The following MCTP2 variants were observed in gnomAD, a reference collection of about 807,000 sequenced individuals.
The protein encoded by MCTP2 is multiple C2 and transmembrane domain containing 2, also known as multiple C2 and transmembrane domain-containing protein 2.
In MCTP2, 132 loss-of-function variants were observed where a neutral mutation model predicts 111.6. That is an observed-to-expected ratio of 1.18 (90% CI 1.03 to 1.37). The LOEUF (loss-of-function observed/expected upper bound fraction) is 1.37, where lower values mean the gene tolerates loss of function less well. MCTP2 is among the 40% of genes most tolerant of loss of function. MCTP2 has a pLI of 0.00. For missense variants in MCTP2, 1,183 were observed against 1,067.9 expected (o/e 1.11, Z -1.50); for synonymous variants, 395 against 387.7 (o/e 1.02, Z -0.22).
At chr15:94,447,671 C>A (rs2084199089) in intron 19 of MCTP2, among the ~76,000 whole-genome samples, 1 of 152,160 alleles carries the variant, frequency 6.6e-6, no homozygotes, top group Admixed American at 6.5e-5. Flanking sequence ...GCCACCATGA[C>A]CGGCCTGTTT....
At chr15:94,385,724 T>G (rs1224837341) in intron 14 of MCTP2, among the ~76,000 whole-genome samples, 199 bp downstream of exon 14, 2 of 152,198 alleles carry the variant, frequency 1.3e-5, no homozygotes, top group Non-Finnish European at 2.9e-5. Flanking sequence ...TTTTTCTGTT[T>G]CAGTCCAATA....
intron 1 of MCTP2, among the ~76,000 whole-genome samples, chr15:94,232,749 C>T (rs970740979): frequency 6.6e-6 from 1 of 152,104 alleles, no homozygotes; most frequent in Non-Finnish European, 1.5e-5. Flanking sequence ...CCTGTGTAAT[C>T]GCTGGTTATA....
chr15:94,292,142 A>C (rs1248406655), intron 1 of MCTP2, among the ~76,000 whole-genome samples: 1 of 152,266 alleles, frequency 6.6e-6, no homozygotes, highest in African/African-American at 2.4e-5. Flanking sequence ...AATGAAAATT[A>C]AAAACCCAAA....
At position 94,478,364 on chromosome 15, in the gene MCTP2, T is replaced by C. The variant is rs141852715; in HGVS notation, c.2569-602T>C. Among the ~76,000 whole-genome samples the C allele has an allele frequency of 3.9e-3, 600 of 152,340 alleles. 3 individuals carry two copies. The highest frequency in any genetic ancestry group is 0.013 in the African/African-American group (558 of 41,588). On this transcript the variant is annotated intron_variant, in intron 22 of 22. Transcript: ENST00000357742. Reference sequence around the variant, plus strand: ...GTATGCTAGTAAGATCCTCCGTGTATCGCCAAGGGCGCTTTCTAATAACAC... The same window carrying C: ...GTATGCTAGTAAGATCCTCCGTGTACCGCCAAGGGCGCTTTCTAATAACAC...
intron 1 of MCTP2, among the ~76,000 whole-genome samples, chr15:94,243,499 A>ATGCG (rs2071287860): frequency 4.4e-5 from 6 of 136,500 alleles, no homozygotes; most frequent in African/African-American, 1.1e-4. Flanking sequence ...GTATGCGTAC[A>ATGCG]TATGTATGCG....
chr15:94,304,115 A>G (rs1478166294), intron 2 of MCTP2, among the ~76,000 whole-genome samples: 3 of 152,228 alleles, frequency 2.0e-5, no homozygotes, highest in African/African-American at 4.8e-5. Context: ...ACAAATGACA[A>G]TCACAACTAA....
chr15:94,402,069 T>G, intron 17 of MCTP2, 50 bp downstream of exon 17: 1 of 1,595,132 alleles, frequency 6.3e-7, no homozygotes. Flanking sequence ...TTTGCATCTA[T>G]TCATCTTTCT....
intron 14 of MCTP2, among the ~76,000 whole-genome samples, chr15:94,392,052 G>GT (rs2081008688): frequency 6.6e-6 from 1 of 152,144 alleles, no homozygotes; most frequent in African/African-American, 2.4e-5. Flanking sequence ...GGTTTTAGGG[G>GT]TAAAAAAAAG....
chr15:94,314,593 GCAGATAAAGC>G (rs2076297188), intron 3 of MCTP2: 3 of 554,124 alleles, frequency 5.4e-6, no homozygotes, highest in Non-Finnish European at 6.5e-6. Flanking sequence ...AGATAGTAAG[GCAGATAAAGC>G]CAGTTTGAAG....
chr15:94,397,799 A>G lies in MCTP2; in HGVS notation c.1789-1162A>G, dbSNP rs1023085003. 7.9e-5 allele frequency among the ~76,000 whole-genome samples: 12 copies of G among 152,222 alleles called. No homozygotes were observed. In the South Asian group the frequency reaches 1.2e-3, roughly 16 times the overall value. On this transcript the variant is annotated intron_variant, in intron 14 of 22. Transcript: ENST00000357742. ...CAATAGTCATTTAAAATATGGCTCA[A>G]ATTTCATGCTGTTAGATTTCCTATG... is the stretch of plus-strand genomic sequence containing the variant.
At chr15:94,257,420 C>A (rs1180088348) in intron 1 of MCTP2, among the ~76,000 whole-genome samples, 3 of 151,952 alleles carry the variant, frequency 2.0e-5, no homozygotes, top group Non-Finnish European at 4.4e-5. Flanking sequence ...CTAGATTAGA[C>A]AAAATTCAAC....
chr15:94,433,305 A>T (rs1014286514), intron 17 of MCTP2, among the ~76,000 whole-genome samples: 8 of 152,162 alleles, frequency 5.3e-5, no homozygotes, highest in African/African-American at 1.9e-4. Context: ...GTGAAGAAAT[A>T]TTTGCAGCTG....
At chr15:94,422,418 C>T (rs146203031) in intron 17 of MCTP2, among the ~76,000 whole-genome samples, 4 of 152,304 alleles carry the variant, frequency 2.6e-5, no homozygotes, top group Admixed American at 2.6e-4. Context: ...CTTCAAGCTA[C>T]ATTTTGAAAG....
intron 5 of MCTP2, 80 bp downstream of exon 5, chr15:94,339,512 C>A: frequency 1.9e-6 from 2 of 1,052,366 alleles, no homozygotes; most frequent in Non-Finnish European, 2.6e-6. Context: ...TAGACGTGAA[C>A]TTGCCAAAAT....
Position 94,298,425 on chromosome 15 carries a change from G to GA in MCTP2, c.161dup (p.Asp54GlufsTer6), listed in dbSNP as rs2075375351. On this transcript the variant is annotated frameshift_variant, in exon 2 of 23. Transcript: ENST00000357742. LOFTEE classifies it high-confidence loss of function. ...CCGCCGTCTCAGCCTCTCTGTGCCTGATCTCCTGGAGGCTGAGGCCTTGGC... is the reference window on the plus strand; with the variant it reads ...CCGCCGTCTCAGCCTCTCTGTGCCTGAATCTCCTGGAGGCTGAGGCCTTGGC... 3 of 1,614,186 alleles carry GA rather than the reference G, an allele frequency of 1.9e-6. No homozygotes were observed. The highest frequency in any genetic ancestry group is 2.5e-6 in the Non-Finnish European group (3 of 1,180,024).
At chr15:94,386,641 CCT>C (rs1491372919) in intron 14 of MCTP2, among the ~76,000 whole-genome samples, 4 of 151,822 alleles carry the variant, frequency 2.6e-5, no homozygotes, top group African/African-American at 9.7e-5. Flanking sequence ...GATTTCCCCC[CCT>C]TTTTTTTTCA....
At chr15:94,276,553 C>A (rs1343674990) in intron 1 of MCTP2, among the ~76,000 whole-genome samples, 2 of 151,390 alleles carry the variant, frequency 1.3e-5, no homozygotes, top group Non-Finnish European at 2.9e-5. Flanking sequence ...AAACAAAGAA[C>A]AAAGGAAAAA....
intron 17 of MCTP2, among the ~76,000 whole-genome samples, chr15:94,408,232 AG>A (rs1201210749): frequency 6.6e-6 from 1 of 152,208 alleles, no homozygotes; most frequent in African/African-American, 2.4e-5. Flanking sequence ...GTGTGTGTGC[AG>A]TTGATGCTCA....
chr15:94,360,363 A>G (rs181418507), intron 10 of MCTP2, among the ~76,000 whole-genome samples: 125 of 152,248 alleles, frequency 8.2e-4, no homozygotes, highest in African/African-American at 2.7e-3. Flanking sequence ...TTCTCCACAC[A>G]TACAGGGTGA....
Sources: allele counts gnomAD v4.1 joint callset (sites outside exome capture counted in the v4.1 genomes callset), GRCh38; gene constraint gnomAD v4.1.1; transcripts MANE v1.5; gene names NCBI Gene and HGNC (gene_info 2026-07-23, HGNC 2026-07-21).